Variants in GPC5 observed in about 807,000 individuals in gnomAD.
GPC5 encodes glypican-5.
In GPC5, 47 loss-of-function variants were observed where a neutral mutation model predicts 53.9. The observed-to-expected ratio is 0.87, with a 90% CI of 0.69 to 1.11. The LOEUF (loss-of-function observed/expected upper bound fraction) is 1.11. GPC5 is among the 50% of genes most tolerant of loss of function. The pLI is 0.00. For missense variants in GPC5, 748 were observed against 713.1 expected, an observed-to-expected ratio of 1.05 and a Z score of -0.56; for synonymous variants, 286 against 263.3, an observed-to-expected ratio of 1.09 and a Z score of -0.84.
At chr13:92,563,147 T>G (rs1164119456) in intron 7 of GPC5, among the ~76,000 whole-genome samples, 1 of 152,064 alleles carries the variant, frequency 6.6e-6, no homozygotes, top group Non-Finnish European at 1.5e-5. Context: ...GTGCAATTAT[T>G]TCTTTCTGTT....
intron 6 of GPC5, among the ~76,000 whole-genome samples, chr13:91,935,068 C>A (rs1309042514): frequency 6.6e-6 from 1 of 151,752 alleles, no homozygotes; most frequent in East Asian, 1.9e-4. Flanking sequence ...TAAATGGGAG[C>A]TAAATAGATA....
chr13:92,745,878 T>C (rs1889228770), intron 7 of GPC5, among the ~76,000 whole-genome samples: 1 of 152,128 alleles, frequency 6.6e-6, no homozygotes, highest in African/African-American at 2.4e-5. Flanking sequence ...TTTCACTAAG[T>C]CATTTCTTAT....
At chr13:92,079,397 G>T (rs1943769162) in intron 6 of GPC5, among the ~76,000 whole-genome samples, 1 of 152,150 alleles carries the variant, frequency 6.6e-6, no homozygotes, top group African/African-American at 2.4e-5. Flanking sequence ...ATCACCTAGT[G>T]CTCTCCCTTC....
intron 7 of GPC5, among the ~76,000 whole-genome samples, chr13:92,841,888 G>C (rs1878442221): frequency 6.6e-6 from 1 of 152,026 alleles, no homozygotes; most frequent in South Asian, 2.1e-4. Flanking sequence ...GGTATTGCTT[G>C]ACATGTTCCT....
At chr13:92,088,446 C>G (rs879576241) in intron 6 of GPC5, among the ~76,000 whole-genome samples, 1 of 152,080 alleles carries the variant, frequency 6.6e-6, no homozygotes, top group African/African-American at 2.4e-5. Flanking sequence ...TCACAGGGCA[C>G]TTTGAAGATA....
chr13:91,981,580 C>T (rs1446605631), intron 6 of GPC5, among the ~76,000 whole-genome samples: 2 of 152,156 alleles, frequency 1.3e-5, no homozygotes, highest in East Asian at 1.9e-4. Context: ...TGAGCCACCG[C>T]GCCCGACCGT....
At chr13:91,959,175 A>AT (rs2040103630) in intron 6 of GPC5, among the ~76,000 whole-genome samples, 1 of 151,546 alleles carries the variant, frequency 6.6e-6, no homozygotes, top group South Asian at 2.1e-4. Context: ...AGATTAACCA[A>AT]TAAAAAAAAG....
At chr13:92,425,730 C>T (rs7994769) in intron 7 of GPC5, among the ~76,000 whole-genome samples, 23,812 of 152,030 alleles carry the variant, frequency 0.16, 2,231 homozygotes, top group East Asian at 0.47. Flanking sequence ...CCTCTTGGCT[C>T]CTCACTAGGA....
intron 7 of GPC5, among the ~76,000 whole-genome samples, chr13:92,292,971 G>C (rs939228713): frequency 6.6e-5 from 10 of 151,682 alleles, no homozygotes; most frequent in Middle Eastern, 3.4e-3. Context: ...AGATCAGTTG[G>C]CTGTAAATGT....
chr13:92,756,467 G>T (rs1453271863), intron 7 of GPC5, among the ~76,000 whole-genome samples: 1 of 151,930 alleles, frequency 6.6e-6, no homozygotes, highest in Non-Finnish European at 1.5e-5. Context: ...CATAGTGTTG[G>T]AAGTTCTGGC....
At chr13:92,505,959 GAGA>G (rs1391990651) in intron 7 of GPC5, among the ~76,000 whole-genome samples, 4 of 152,266 alleles carry the variant, frequency 2.6e-5, no homozygotes, top group African/African-American at 9.6e-5. Flanking sequence ...ATGTAGGAGT[GAGA>G]AGTAGTGGGA....
intron 2 of GPC5, among the ~76,000 whole-genome samples, chr13:91,628,995 G>A (rs1466825301): frequency 6.6e-6 from 1 of 152,128 alleles, no homozygotes; most frequent in East Asian, 1.9e-4. Context: ...TGGAGATAAT[G>A]ACATATCTTT....
intron 2 of GPC5, among the ~76,000 whole-genome samples, chr13:91,652,082 T>C (rs1248723253): frequency 6.6e-6 from 1 of 152,216 alleles, no homozygotes; most frequent in Admixed American, 6.5e-5. Context: ...TGTCTCTCCT[T>C]ATCTGCAAAT....
intron 6 of GPC5, among the ~76,000 whole-genome samples, chr13:92,082,445 A>G (rs1742143882): frequency 6.6e-6 from 1 of 152,178 alleles, no homozygotes; most frequent in Non-Finnish European, 1.5e-5. Flanking sequence ...ACAGCCTTCA[A>G]GTGATTTTCT....
intron 7 of GPC5, among the ~76,000 whole-genome samples, chr13:92,579,242 T>G (rs1417874953): frequency 1.5e-4 from 10 of 66,604 alleles, no homozygotes; most frequent in African/African-American, 5.7e-4. Context: ...ATTTATGCTC[T>G]CTCCCTCCCT....
chr13:92,041,370 A>G (rs1014874136), intron 6 of GPC5, among the ~76,000 whole-genome samples: 7 of 152,346 alleles, frequency 4.6e-5, no homozygotes, highest in African/African-American at 1.7e-4. Context: ...AAACCACATC[A>G]GGAGTAATCA....
rs536399834 is a variant in GPC5 at position 92,040,288 on chromosome 13, CG to C, written c.1402-104541del. Among the ~76,000 whole-genome samples, 118 of 152,216 alleles carry C rather than the reference CG, an allele frequency of 7.8e-4. 2 individuals are homozygous for C. The highest frequency in any genetic ancestry group is 2.7e-3 in the African/African-American group (112 of 41,544). On this transcript the variant is annotated intron_variant, in intron 6 of 7. Coordinates refer to ENST00000377067, the MANE Select transcript of GPC5 (RefSeq NM_004466.6). ...TCCTCTCTCAGCCCAAAGAGGTGCA[CG>C]TTAAGTGCATCTGCTAACTAAACGT...
intron 6 of GPC5, among the ~76,000 whole-genome samples, chr13:92,121,504 G>A (rs374951970): frequency 2.0e-5 from 3 of 152,160 alleles, no homozygotes; most frequent in Admixed American, 1.3e-4. Flanking sequence ...TTTGTGGAAA[G>A]GCTACAGGCA....
intron 7 of GPC5, among the ~76,000 whole-genome samples, chr13:92,211,018 C>T (rs1009421595): frequency 1.3e-5 from 2 of 152,098 alleles, no homozygotes; most frequent in African/African-American, 4.8e-5. Context: ...TAAACAACTC[C>T]TTTAATATGA....
Sources: allele counts gnomAD v4.1 joint callset (sites outside exome capture counted in the v4.1 genomes callset), GRCh38; gene constraint gnomAD v4.1.1; transcripts MANE v1.5; gene names NCBI Gene and HGNC (gene_info 2026-07-23, HGNC 2026-07-21).